The following CHST15 variants were observed in gnomAD, a reference collection of about 807,000 sequenced individuals.
CHST15 encodes carbohydrate sulfotransferase 15.
CHST15 carries 30 observed loss-of-function variants against 53.6 expected under a neutral mutation model. The observed-to-expected ratio is 0.56, with a 90% CI of 0.42 to 0.76. The LOEUF is 0.76. Ranked by LOEUF, CHST15 falls within the 30% of genes least tolerant of loss-of-function variation. The pLI is 0.00. For missense variants in CHST15, 627 were observed against 740.5 expected (o/e 0.85, Z 1.78); for synonymous variants, 296 against 289.8 (o/e 1.02, Z -0.22).
At chr10:124,075,697 C>T (rs976927948) in intron 1 of CHST15, among the ~76,000 whole-genome samples, 4 of 152,124 alleles carry the variant, frequency 2.6e-5, no homozygotes, top group African/African-American at 9.7e-5. Flanking sequence ...CTGAAAAGTC[C>T]GGGCTTTCCT....
At chr10:124,020,086 G>A (rs150043756) in intron 6 of CHST15, 1 of 985,744 alleles carries the variant, frequency 1.0e-6, no homozygotes, top group Non-Finnish European at 1.2e-6. Flanking sequence ...TGCACAGGAA[G>A]GCAAGGACCA....
intron 6 of CHST15, chr10:124,020,841 C>A (rs1946751949): frequency 7.3e-6 from 9 of 1,237,628 alleles, no homozygotes; most frequent in Non-Finnish European, 8.1e-6. Context: ...GAGACTCTGT[C>A]AAAGAAGCAT....
chr10:124,021,227 CG>C (rs1288015500), intron 6 of CHST15, 28 bp downstream of exon 6: 6 of 255,456 alleles, frequency 2.3e-5, no homozygotes, highest in African/African-American at 1.1e-4. Context: ...GGGGCCAGCT[CG>C]GGGGGTACGG....
At chr10:124,091,025 C>T (rs1949587055) in intron 1 of CHST15, among the ~76,000 whole-genome samples, 1 of 152,234 alleles carries the variant, frequency 6.6e-6, no homozygotes, top group Non-Finnish European at 1.5e-5. Flanking sequence ...CCACCTCCAG[C>T]TCACCTATGT....
At chr10:124,051,793 T>C (rs1948208987) in intron 1 of CHST15, among the ~76,000 whole-genome samples, 1 of 152,252 alleles carries the variant, frequency 6.6e-6, no homozygotes, top group African/African-American at 2.4e-5. Context: ...GCAAGCCATT[T>C]ATAACAAAAT....
intron 5 of CHST15, among the ~76,000 whole-genome samples, chr10:124,030,459 T>C (rs982117809): frequency 6.6e-6 from 1 of 152,020 alleles, no homozygotes; most frequent in African/African-American, 2.4e-5. Flanking sequence ...TTCCAAAATC[T>C]TAGAGGAAAG....
At position 124,010,283 on chromosome 10, in the gene CHST15, G is replaced by T. The variant is rs751247974; in HGVS notation, c.1552C>A (p.Arg518=). The T allele has an allele frequency of 3.7e-6, 6 of 1,613,288 alleles. No individual in the cohort carries two copies. In the East Asian group the frequency reaches 1.1e-4, roughly 30 times the overall value. The part of the protein sequence containing the change: ...LMTKSPASNA[R]RPEDRNLGPM... Reference sequence around the variant, plus strand: ...CCCAGGTTCCGGTCCTCGGGACGCCGTGCATTGGATGCGGGGCTCTTGGTC... The same window carrying T: ...CCCAGGTTCCGGTCCTCGGGACGCCTTGCATTGGATGCGGGGCTCTTGGTC... Residue 518 remains arginine, a synonymous_variant, in exon 8 of 8, where the codon CGG becomes AGG. Coordinates refer to ENST00000435907, the MANE Select transcript of CHST15 (RefSeq NM_001270764.2).
chr10:124,067,907 G>A (rs973328556), intron 1 of CHST15, among the ~76,000 whole-genome samples: 15 of 152,152 alleles, frequency 9.9e-5, no homozygotes, highest in African/African-American at 2.7e-4. Flanking sequence ...GAGCCACTGC[G>A]CCTGGCCTAG....
intron 5 of CHST15, among the ~76,000 whole-genome samples, chr10:124,029,881 C>G (rs972360911): frequency 6.6e-6 from 1 of 152,194 alleles, no homozygotes; most frequent in Non-Finnish European, 1.5e-5. Context: ...GCCCCAGGGT[C>G]GTTTCTAAGT....
At chr10:124,081,962 C>T (rs117503109) in intron 1 of CHST15, among the ~76,000 whole-genome samples, 1,620 of 152,246 alleles carry the variant, frequency 0.011, 28 homozygotes, top group African/African-American at 0.037. Flanking sequence ...AATTATTCCC[C>T]GGATAAGCAG....
intron 5 of CHST15, among the ~76,000 whole-genome samples, chr10:124,022,794 C>G (rs151105148): frequency 5.3e-5 from 8 of 151,664 alleles, no homozygotes; most frequent in African/African-American, 1.9e-4. Flanking sequence ...ACCCCCTCGC[C>G]CTGCTCCTTG....
intron 1 of CHST15, among the ~76,000 whole-genome samples, chr10:124,087,884 G>C (rs1197345960): frequency 6.6e-6 from 1 of 152,246 alleles, no homozygotes; most frequent in Non-Finnish European, 1.5e-5. Context: ...CTGGCTGCAA[G>C]GTCAGCTGAA....
intron 6 of CHST15, among the ~76,000 whole-genome samples, chr10:124,017,700 C>T (rs924284272): frequency 1.3e-5 from 2 of 152,180 alleles, no homozygotes; most frequent in Non-Finnish European, 2.9e-5. Context: ...GGTTAAAAGG[C>T]CTAGATTTGG....
chr10:124,038,186 A>G (rs2133961780), intron 5 of CHST15, among the ~76,000 whole-genome samples: 1 of 150,712 alleles, frequency 6.6e-6, no homozygotes, highest in African/African-American at 2.4e-5. Flanking sequence ...GGCCCACTGC[A>G]GCCTCCGCCT....
At chr10:124,025,597 A>G (rs755267744) in intron 5 of CHST15, among the ~76,000 whole-genome samples, 15 of 152,214 alleles carry the variant, frequency 9.9e-5, no homozygotes, top group Non-Finnish European at 1.9e-4. Context: ...CCGTAGTTGG[A>G]TGGATAGTGG....
intron 1 of CHST15, among the ~76,000 whole-genome samples, chr10:124,077,992 T>G (rs1271131655): frequency 4.6e-5 from 7 of 152,210 alleles, no homozygotes; most frequent in Non-Finnish European, 8.8e-5. Flanking sequence ...TCTACCAACC[T>G]TAAAAGCACC....
intron 1 of CHST15, among the ~76,000 whole-genome samples, chr10:124,064,346 T>C (rs1438966667): frequency 1.3e-5 from 2 of 152,246 alleles, no homozygotes; most frequent in African/African-American, 2.4e-5. Flanking sequence ...AGAATTTCGC[T>C]TGATGCAGTC....
chr10:124,011,024 G>A (rs574609909), intron 7 of CHST15: 26 of 983,438 alleles, frequency 2.6e-5, no homozygotes, highest in Middle Eastern at 5.2e-4. Flanking sequence ...GTCAGTCACC[G>A]CCACGCCCCG....
chr10:124,082,727 T>C (rs1949288176), intron 1 of CHST15, among the ~76,000 whole-genome samples: 2 of 152,344 alleles, frequency 1.3e-5, no homozygotes, highest in Admixed American at 6.5e-5. Flanking sequence ...GATGGAATAT[T>C]ATTCAGCCAT....
Sources: gnomAD v4.1 joint callset for allele counts (sites outside exome capture counted in the v4.1 genomes callset) on GRCh38, gnomAD v4.1.1 for gene constraint, MANE v1.5 for transcripts, NCBI Gene and HGNC (gene_info 2026-07-23, HGNC 2026-07-21) for gene names.